The following ROBO2 variants were observed in gnomAD, a reference collection of about 807,000 sequenced individuals.
The protein encoded by ROBO2 is roundabout homolog 2.
In ROBO2, 53 loss-of-function variants were observed where a neutral mutation model predicts 160.8. That is an observed-to-expected ratio of 0.33 (90% confidence interval 0.26 to 0.41). The LOEUF (loss-of-function observed/expected upper bound fraction) is 0.41, where lower values mean the gene tolerates loss of function less well. Among genes scored for constraint, ROBO2 ranks in the 10% least tolerant of loss-of-function variants. ROBO2 has a pLI of 1.00. For missense variants in ROBO2, 1,577 were observed against 1,722.4 expected (o/e 0.92, Z 1.49); for synonymous variants, 664 against 611.7 (o/e 1.09, Z -1.26).
chr3:77,130,613 G>A (rs2075770720), intron 2 of ROBO2, among the ~76,000 whole-genome samples: 1 of 152,106 alleles, frequency 6.6e-6, no homozygotes, highest in Admixed American at 6.5e-5. Context: ...TACGTGTCTT[G>A]TTTAATGGTG....
In ROBO2 at chr3:75,998,894, A is replaced by T. The variant is rs564076200; in HGVS notation, c.109+61292A>T. Among the ~76,000 whole-genome samples the T allele has an allele frequency of 5.3e-5, 8 of 152,302 alleles. No individual in the cohort carries two copies. The South Asian group carries it at 1.7e-3, about 32-fold the overall frequency. On this transcript the variant is annotated intron_variant, in intron 2 of 26. Coordinates refer to the ROBO2 transcript ENST00000487694. ...TAAATATTTTGCATGACTTCTTCAT[A>T]CTCAGACTTTAATTGTGGTTGGCTT...
chr3:76,018,659 AAT>A lies in ROBO2; in HGVS notation c.109+81062_109+81063del, dbSNP rs1258766199. 2.6e-5 allele frequency among the ~76,000 whole-genome samples: 4 copies of A among 152,100 alleles called. No individual in the cohort carries two copies. The East Asian group carries it at 7.7e-4, about 29-fold the overall frequency. Reference sequence around the variant, plus strand: ...AACTTAATTGTGTTGTGCTTAGAGAAATATATCTGTCTGATAATTCCTTGGAA... The same window carrying A: ...AACTTAATTGTGTTGTGCTTAGAGAAATATCTGTCTGATAATTCCTTGGAA... On this transcript the variant is annotated intron_variant, in intron 2 of 26. Transcript: ENST00000487694.
chr3:76,926,621 A>G (rs1247299858), intron 2 of ROBO2, among the ~76,000 whole-genome samples: 2 of 152,210 alleles, frequency 1.3e-5, no homozygotes, highest in Non-Finnish European at 2.9e-5. Flanking sequence ...AGATTTACTG[A>G]CTGATTGACA....
intron 2 of ROBO2, among the ~76,000 whole-genome samples, chr3:76,038,268 G>T: frequency 6.6e-6 from 1 of 151,980 alleles, no homozygotes; most frequent in East Asian, 1.9e-4. Context: ...TTAAAGGAAA[G>T]AATAGGAGTA....
intron 2 of ROBO2, among the ~76,000 whole-genome samples, chr3:76,975,640 C>A (rs1214856400): frequency 6.6e-6 from 1 of 152,008 alleles, no homozygotes; most frequent in African/African-American, 2.4e-5. Context: ...TCCTAATTAG[C>A]TTTTGAAGGA....
intron 5 of ROBO2, among the ~76,000 whole-genome samples, chr3:77,505,318 G>C (rs531166081): frequency 3.0e-4 from 46 of 151,948 alleles, no homozygotes; most frequent in African/African-American, 1.0e-3. Context: ...AATACAAGTG[G>C]TCATACAAGA....
chr3:76,989,485 A>G (rs2060552930), intron 2 of ROBO2, among the ~76,000 whole-genome samples: 1 of 152,130 alleles, frequency 6.6e-6, no homozygotes, highest in Non-Finnish European at 1.5e-5. Context: ...GGTGTTTTTT[A>G]AACTTCTAAG....
intron 2 of ROBO2, among the ~76,000 whole-genome samples, chr3:76,243,309 C>A (rs1202971079): frequency 6.6e-6 from 1 of 152,090 alleles, no homozygotes. Flanking sequence ...TGAGGATGCA[C>A]CCTGTCCCCC....
chr3:77,476,365 G>GGT (rs1235591411), intron 2 of ROBO2, among the ~76,000 whole-genome samples: 6 of 117,444 alleles, frequency 5.1e-5, no homozygotes, highest in African/African-American at 2.1e-4. Context: ...TGTGTCTGTG[G>GGT]GTATGTGTGT....
At chr3:77,517,295 A>G (rs923750221) in intron 5 of ROBO2, among the ~76,000 whole-genome samples, 3 of 151,660 alleles carry the variant, frequency 2.0e-5, no homozygotes, top group Middle Eastern at 3.4e-3. Context: ...ACACAAGGGA[A>G]GAACATTCCA....
At chr3:75,907,260 C>T (rs775663174) in intron 1 of ROBO2, among the ~76,000 whole-genome samples, 1 of 152,142 alleles carries the variant, frequency 6.6e-6, no homozygotes, top group East Asian at 1.9e-4. Context: ...TTTGGTTTCC[C>T]GGATGCCCTT....
At chr3:76,783,023 T>TC (rs2062748543) in intron 2 of ROBO2, among the ~76,000 whole-genome samples, 1 of 150,918 alleles carries the variant, frequency 6.6e-6, no homozygotes, top group Non-Finnish European at 1.5e-5. Context: ...GATTTATTTT[T>TC]CTTTATCTTT....
chr3:76,154,955 A>T (rs1516473), intron 2 of ROBO2, among the ~76,000 whole-genome samples: 2 of 151,916 alleles, frequency 1.3e-5, no homozygotes, highest in Non-Finnish European at 2.9e-5. Flanking sequence ...GAAAAGTCAC[A>T]CTTGATTGAG....
chr3:77,128,534 C>T (rs548662959), intron 2 of ROBO2, among the ~76,000 whole-genome samples: 11 of 152,178 alleles, frequency 7.2e-5, no homozygotes, highest in African/African-American at 2.6e-4. Flanking sequence ...ATTTTTTGCA[C>T]GTTTTTGTGT....
intron 2 of ROBO2, among the ~76,000 whole-genome samples, chr3:76,032,598 C>G (rs1448016778): frequency 6.6e-6 from 1 of 151,974 alleles, no homozygotes; most frequent in Non-Finnish European, 1.5e-5. Context: ...TTATTTCTGC[C>G]TTCATTTTGT....
At chr3:77,043,018 T>C (rs1342387172) in intron 1 of ROBO2, among the ~76,000 whole-genome samples, 2 of 152,222 alleles carry the variant, frequency 1.3e-5, no homozygotes, top group Non-Finnish European at 2.9e-5. Flanking sequence ...TAAATTAATA[T>C]GTAAATCATA....
chr3:76,860,906 T>C (rs1169054794), intron 2 of ROBO2, among the ~76,000 whole-genome samples: 1 of 152,134 alleles, frequency 6.6e-6, no homozygotes, highest in Non-Finnish European at 1.5e-5. Context: ...TGTGTGTGCG[T>C]GTGTGTGTAT....
chr3:77,322,062 G>T (rs1405197102), intron 2 of ROBO2, among the ~76,000 whole-genome samples: 1 of 152,138 alleles, frequency 6.6e-6, no homozygotes, highest in Non-Finnish European at 1.5e-5. Flanking sequence ...TAATAACTTT[G>T]CTAGAGCAAG....
At chr3:76,033,983 G>A (rs892067682) in intron 2 of ROBO2, among the ~76,000 whole-genome samples, 4 of 152,212 alleles carry the variant, frequency 2.6e-5, no homozygotes, top group Non-Finnish European at 5.9e-5. Context: ...CATAACTTCC[G>A]TGACATTTCA....
Sources: gnomAD v4.1 joint callset for allele counts (sites outside exome capture counted in the v4.1 genomes callset) on GRCh38, gnomAD v4.1.1 for gene constraint, MANE v1.5 for transcripts, NCBI Gene and HGNC (gene_info 2026-07-23, HGNC 2026-07-21) for gene names.